CASP9: variants seen among roughly 807,000 people sequenced by gnomAD.
CASP9 encodes caspase-9.
CASP9 carries 29 observed loss-of-function variants against 43.5 expected under a neutral mutation model. The ratio of observed to expected loss-of-function variants is 0.67; its 90% CI spans 0.50 to 0.91. The LOEUF is 0.91. Ranked by LOEUF, CASP9 falls within the 40% of genes least tolerant of loss-of-function variation. The probability of loss-of-function intolerance (pLI) is 0.00; values close to 1 mark genes in which losing one functional copy is unlikely to be tolerated. For synonymous variants in CASP9, 206 were observed against 211.9 expected, an observed-to-expected ratio of 0.97 and a Z score of 0.24; for missense variants, 575 against 537.4, an observed-to-expected ratio of 1.07 and a Z score of -0.69.
At chr1:15,493,602 C>G in intron 8 of CASP9, 1 of 1,435,690 alleles carries the variant, frequency 7.0e-7, no homozygotes, top group Non-Finnish European at 9.1e-7. Context: ...AGCCATCCTG[C>G]GCTGGCACTG....
intron 3 of CASP9, 42 bp from the exon 4 acceptor site, chr1:15,507,117 G>C: frequency 6.2e-7 from 1 of 1,611,222 alleles, no homozygotes; most frequent in African/African-American, 1.3e-5. Flanking sequence ...CTCTCCCCAC[G>C]CTCCCTAGAG....
intron 4 of CASP9, 46 bp downstream of exon 4, chr1:15,506,853 A>C: frequency 8.7e-5 from 111 of 1,274,940 alleles, no homozygotes; most frequent in Non-Finnish European, 1.2e-4. Context: ...ATACTTCCCC[A>C]CCCACTGCCC....
intron 6 of CASP9, among the ~76,000 whole-genome samples, chr1:15,497,396 G>A (rs1189709959): frequency 4.0e-5 from 6 of 151,734 alleles, no homozygotes; most frequent in Admixed American, 3.9e-4. Context: ...TGTAATCCCA[G>A]CACTTTGGGA....
intron 6 of CASP9, among the ~76,000 whole-genome samples, chr1:15,501,915 G>GCA (rs973323459): frequency 3.3e-5 from 5 of 152,084 alleles, no homozygotes; most frequent in African/African-American, 1.2e-4. Context: ...GGGACCATAG[G>GCA]CACACACCAC....
rs141589667 is a variant in CASP9 at position 15,523,400 on chromosome 1, C to G, written c.132+669G>C. Among the ~76,000 whole-genome samples the G allele has an allele frequency of 4.3e-3, 651 of 152,342 alleles. 3 individuals carry two copies. Among genetic ancestry groups the G allele is most frequent in the African/African-American group, 0.014 (592 of 41,562 alleles). ...GCCCAAGAACACGCTGCCAGGCAGC[C>G]TGATGCCAAAGTGGGTTCCCGAAAC... On this transcript the variant is annotated intron_variant, in intron 1 of 8. Coordinates refer to ENST00000333868, the MANE Select transcript of CASP9 (RefSeq NM_001229.5).
In CASP9 at chr1:15,524,058, C is replaced by CGGGGACG; in HGVS notation, c.132+10_132+11insCGTCCCC. On this transcript the variant is annotated intron_variant, in intron 1 of 8. Transcript: ENST00000333868. ...GCCGTGCAGCGCGGGGACAGGGGGCCGGGGGCGCACCTGGATGTCCTCGAT... is the reference window on the plus strand; with the variant it reads ...GCCGTGCAGCGCGGGGACAGGGGGCCGGGGACGGGGGGCGCACCTGGATGTCCTCGAT... 1.3e-6 allele frequency: 2 copies of CGGGGACG among 1,481,824 alleles called. No homozygotes were observed. The highest frequency in any genetic ancestry group is 1.2e-5 in the South Asian group (1 of 80,048). 91.8% of individuals were successfully genotyped at this position (1,481,824 alleles called of 1,614,324 possible). A position where few individuals can be genotyped will look rare whatever the true frequency, so the allele number is the denominator to read the frequency against.
chr1:15,506,991 G>A lies in CASP9; in HGVS notation c.538C>T (p.Arg180Cys), dbSNP rs146075314. The A allele has an allele frequency of 1.3e-5, 21 of 1,614,058 alleles. No homozygotes were observed. Among genetic ancestry groups the A allele is most frequent in the Non-Finnish European group, 1.4e-5 (17 of 1,180,044 alleles). ...NFCRESGLRT[R>C]TGSNIDCEKL... The stretch of plus-strand genomic sequence containing the variant: ...TCACAGTCGATGTTGGAGCCAGTGC[G>A]GGTGCGGAGCCCGGACTCACGGCAG... The change falls in exon 4 of 9, where the codon CGC (arginine) becomes TGC (cysteine). Residue 180 changes from arginine (R) to cysteine (C), a missense_variant. Arg to Cys is a radical substitution (Grantham distance 180). Coordinates refer to ENST00000333868, the MANE Select transcript of CASP9 (RefSeq NM_001229.5).
At chr1:15,493,293 C>T in intron 8 of CASP9, 1 of 1,351,272 alleles carries the variant, frequency 7.4e-7, no homozygotes, top group Non-Finnish European at 9.5e-7. Flanking sequence ...CCCAGCCTCG[C>T]AGCCCCTTCT....
At chr1:15,494,457 T>C (rs762363993) in intron 7 of CASP9, among the ~76,000 whole-genome samples, 1 of 151,030 alleles carries the variant, frequency 6.6e-6, no homozygotes, top group Non-Finnish European at 1.5e-5. Flanking sequence ...CCCAGCTACT[T>C]AGGAGGCTAA....
At position 15,524,089 on chromosome 1, in the gene CASP9, G is replaced by C; in HGVS notation, c.112C>G (p.His38Asp). 1 of 1,529,108 alleles carries C rather than the reference G, an allele frequency of 6.5e-7. No individual in the cohort carries two copies. The highest frequency in any genetic ancestry group is 8.8e-7 in the Non-Finnish European group (1 of 1,142,662). The allele number at this position is 1,529,108 out of a possible 1,614,324, so 94.7% of individuals were successfully genotyped here. The change falls in exon 1 of 9, where the codon CAT becomes GAT. Residue 38 changes from histidine (H) to aspartate (D), a missense_variant. Coordinates refer to ENST00000333868, the MANE Select transcript of CASP9 (RefSeq NM_001229.5). ...CGCACCTGGATGTCCTCGATCATAT[G>C]GGGCCTGAACAGCTCGCGGCTCAGC... ...ALLSRELFRP[H>D]MIEDIQRAGS...
At chr1:15,502,239 A>C (rs1709356204) in intron 6 of CASP9, among the ~76,000 whole-genome samples, 1 of 152,186 alleles carries the variant, frequency 6.6e-6, no homozygotes, top group Non-Finnish European at 1.5e-5. Flanking sequence ...CTGCAGGAGC[A>C]CAAAGGCCAG....
chr1:15,494,862 CAAAAAAAAAAAAA>C (rs563954013), intron 7 of CASP9, among the ~76,000 whole-genome samples: 2 of 44,272 alleles, frequency 4.5e-5, no homozygotes, highest in Admixed American at 2.7e-4. Context: ...GATTCCATCT[CAAAAAAAAAAAAA>C]AAAAAAAAAA....
chr1:15,514,095 A>C (rs1260395905), intron 2 of CASP9, among the ~76,000 whole-genome samples: 1 of 152,106 alleles, frequency 6.6e-6, no homozygotes, highest in African/African-American at 2.4e-5. Flanking sequence ...GCCCCACCAC[A>C]CTAACCCTTT....
In CASP9 at chr1:15,507,165, C is replaced by T. The variant is rs772902765; in HGVS notation, c.454-90G>A. 2.7e-6 allele frequency: 4 copies of T among 1,503,812 alleles called. No homozygotes were observed. In the African/African-American group the frequency reaches 5.5e-5, roughly 21 times the overall value. 93.2% of individuals were successfully genotyped at this position (1,503,812 alleles called of 1,614,324 possible). A position where few individuals can be genotyped will look rare whatever the true frequency, so the allele number is the denominator to read the frequency against. On this transcript the variant is annotated intron_variant, in intron 3 of 8. Transcript: ENST00000333868. Reference sequence around the variant, plus strand: ...AGGCGGGAAGAAAACGGGGTCTGCCCTCTCGCACAAGGAGTAGCAGGGTCT... The same window carrying T: ...AGGCGGGAAGAAAACGGGGTCTGCCTTCTCGCACAAGGAGTAGCAGGGTCT...
intron 1 of CASP9, among the ~76,000 whole-genome samples, chr1:15,519,391 G>A (rs1214262477): frequency 1.3e-5 from 2 of 152,162 alleles, no homozygotes; most frequent in East Asian, 3.8e-4. Flanking sequence ...ATGTTGGCCA[G>A]GCTGGTCTCA....
intron 2 of CASP9, among the ~76,000 whole-genome samples, chr1:15,517,092 C>T (rs1709979740): frequency 6.6e-6 from 1 of 152,158 alleles, no homozygotes; most frequent in Non-Finnish European, 1.5e-5. Flanking sequence ...TGATACCATG[C>T]AATGGTCCAC....
chr1:15,517,254 A>G (rs1709986195), intron 2 of CASP9, among the ~76,000 whole-genome samples: 1 of 152,154 alleles, frequency 6.6e-6, no homozygotes, highest in Non-Finnish European at 1.5e-5. Flanking sequence ...AAAAGAATGA[A>G]CTACCGATAT....
At chr1:15,517,482 C>A (rs537725523) in intron 2 of CASP9, among the ~76,000 whole-genome samples, 1 of 152,096 alleles carries the variant, frequency 6.6e-6, no homozygotes, top group Admixed American at 6.5e-5. Flanking sequence ...ATGTTTTCAT[C>A]TTGATGATAT....
At chr1:15,515,651 G>T (rs368029128) in intron 2 of CASP9, among the ~76,000 whole-genome samples, 1 of 152,182 alleles carries the variant, frequency 6.6e-6, no homozygotes, top group Non-Finnish European at 1.5e-5. Flanking sequence ...AATTTTTGTT[G>T]AAAGAAAACA....
Sources: allele counts gnomAD v4.1 joint callset (sites outside exome capture counted in the v4.1 genomes callset), GRCh38; gene constraint gnomAD v4.1.1; transcripts MANE v1.5; gene names NCBI Gene and HGNC (gene_info 2026-07-23, HGNC 2026-07-21).